The following GRID2 variants were observed in gnomAD, a reference collection of about 807,000 sequenced individuals.
GRID2 encodes glutamate ionotropic receptor delta type subunit 2.
GRID2 carries 33 observed loss-of-function variants against 114.8 expected under a neutral mutation model. The observed-to-expected ratio is 0.29, with a 90% CI of 0.22 to 0.38. The LOEUF (loss-of-function observed/expected upper bound fraction) is 0.38. Ranked by LOEUF, GRID2 falls within the 10% of genes least tolerant of loss-of-function variation. GRID2 has a pLI of 1.00. For synonymous variants in GRID2, 505 were observed against 449.9 expected, an observed-to-expected ratio of 1.12 and a Z score of -1.55; for missense variants, 1,184 against 1,257.7, an observed-to-expected ratio of 0.94 and a Z score of 0.89.
At chr4:92,684,521 G>A (rs966177231) in intron 2 of GRID2, among the ~76,000 whole-genome samples, 21 of 151,840 alleles carry the variant, frequency 1.4e-4, no homozygotes, top group Non-Finnish European at 3.1e-4. Context: ...ATCATGTTAG[G>A]ATTATTTTAA....
intron 14 of GRID2, among the ~76,000 whole-genome samples, chr4:93,767,697 T>TCTTCTTCC (rs1733782960): frequency 6.6e-6 from 1 of 152,106 alleles, no homozygotes; most frequent in Non-Finnish European, 1.5e-5. Flanking sequence ...ATGCACAAAA[T>TCTTCTTCC]CTTCTTCCCT....
At chr4:93,008,316 C>T (rs1721774048) in intron 2 of GRID2, among the ~76,000 whole-genome samples, 7 of 151,994 alleles carry the variant, frequency 4.6e-5, no homozygotes, top group Admixed American at 4.6e-4. Flanking sequence ...AGCAAGAAAA[C>T]CTATACTGTA....
At chr4:92,793,631 G>A (rs1480148761) in intron 2 of GRID2, among the ~76,000 whole-genome samples, 1 of 151,766 alleles carries the variant, frequency 6.6e-6, no homozygotes, top group African/African-American at 2.4e-5. Flanking sequence ...AATATGTTAT[G>A]CATTTAATTT....
chr4:92,629,391 TA>T (rs1324831008), intron 2 of GRID2, among the ~76,000 whole-genome samples: 8 of 152,272 alleles, frequency 5.3e-5, no homozygotes, highest in Admixed American at 5.2e-4. Flanking sequence ...ACCTCCTCAG[TA>T]CATCTGTCAT....
chr4:92,824,892 A>C (rs1741574676), intron 2 of GRID2, among the ~76,000 whole-genome samples: 1 of 152,292 alleles, frequency 6.6e-6, no homozygotes, highest in Non-Finnish European at 1.5e-5. Flanking sequence ...AAAACTATTA[A>C]ACACATTGAT....
chr4:93,301,149 C>T (rs77616345), intron 8 of GRID2, among the ~76,000 whole-genome samples: 26 of 152,120 alleles, frequency 1.7e-4, no homozygotes, highest in African/African-American at 5.8e-4. Flanking sequence ...CCTCAATACA[C>T]AAATTTTCTA....
At chr4:93,630,039 T>C (rs759182127) in intron 14 of GRID2, among the ~76,000 whole-genome samples, 2 of 152,150 alleles carry the variant, frequency 1.3e-5, no homozygotes, top group Non-Finnish European at 2.9e-5. Flanking sequence ...ACATGTATGA[T>C]TGTATGTGAG....
chr4:93,376,533 T>C lies in GRID2; in HGVS notation c.1246-19074T>C, dbSNP rs115114346. 8.0e-3 allele frequency among the ~76,000 whole-genome samples: 1,218 copies of C among 152,148 alleles called. 12 individuals carry two copies. Among genetic ancestry groups the C allele is most frequent in the African/African-American group, 0.028 (1,173 of 41,516 alleles). On this transcript the variant is annotated intron_variant, in intron 8 of 15. Coordinates refer to ENST00000282020, the MANE Select transcript of GRID2 (RefSeq NM_001510.4). ...AACCCATAAATAAAGCAATTCAAGA[T>C]ACACATGAACTCATAAAACATAGGT...
chr4:93,096,640 A>G (rs1411989485), intron 3 of GRID2, among the ~76,000 whole-genome samples: 1 of 152,002 alleles, frequency 6.6e-6, no homozygotes, highest in Non-Finnish European at 1.5e-5. Flanking sequence ...TTTAAATTAC[A>G]AGGAGATGCC....
intron 2 of GRID2, among the ~76,000 whole-genome samples, chr4:92,950,764 C>T (rs1302792089): frequency 6.6e-6 from 1 of 152,102 alleles, no homozygotes; most frequent in African/African-American, 2.4e-5. Context: ...GTTTTATAAG[C>T]TTGATGTCAT....
At chr4:92,604,935 G>A (rs11934648) in intron 2 of GRID2, among the ~76,000 whole-genome samples, 57,143 of 151,784 alleles carry the variant, frequency 0.38, 11,069 homozygotes, top group African/African-American at 0.48. Context: ...TGAATCATGC[G>A]GGCAGTTTCC....
intron 2 of GRID2, among the ~76,000 whole-genome samples, chr4:92,956,642 A>G (rs1578595568): frequency 6.6e-6 from 1 of 152,184 alleles, no homozygotes. Flanking sequence ...TTTTGTCTGA[A>G]CATAAGTTTT....
intron 3 of GRID2, among the ~76,000 whole-genome samples, chr4:93,104,757 G>A (rs919079977): frequency 1.3e-5 from 2 of 152,126 alleles, no homozygotes; most frequent in African/African-American, 4.8e-5. Flanking sequence ...GAATAGTGCC[G>A]TGATAAACAT....
chr4:92,941,562 A>G (rs949912838), intron 2 of GRID2, among the ~76,000 whole-genome samples: 10 of 151,942 alleles, frequency 6.6e-5, no homozygotes, highest in East Asian at 1.9e-4. Context: ...TTGTGTCTCT[A>G]TTTCCTTCAG....
At chr4:93,678,534 C>T (rs1344853250) in intron 14 of GRID2, among the ~76,000 whole-genome samples, 5 of 151,862 alleles carry the variant, frequency 3.3e-5, no homozygotes, top group South Asian at 2.1e-4. Context: ...AGAGAAAGGT[C>T]CGGTTACCCA....
Position 92,956,924 on chromosome 4 carries a change from T to G in GRID2, c.245-128071T>G, listed in dbSNP as rs184408400. 2.6e-5 allele frequency among the ~76,000 whole-genome samples: 4 copies of G among 152,316 alleles called. No homozygotes were observed. In the East Asian group the frequency reaches 7.7e-4, roughly 29 times the overall value. The stretch of plus-strand genomic sequence containing the variant: ...CCCTAATGACATATGATGTGGAGCA[T>G]ATTTTATGTGCTTGTTTGCCATCTG... On this transcript the variant is annotated intron_variant, in intron 2 of 15. Transcript: ENST00000282020.
intron 14 of GRID2, among the ~76,000 whole-genome samples, chr4:93,708,535 T>C (rs1728201749): frequency 1.3e-5 from 2 of 152,034 alleles, no homozygotes; most frequent in Non-Finnish European, 2.9e-5. Flanking sequence ...TTTCGATCTT[T>C]TTATTTGCAG....
intron 2 of GRID2, among the ~76,000 whole-genome samples, chr4:92,984,953 T>C (rs1415235428): frequency 6.6e-6 from 1 of 152,070 alleles, no homozygotes; most frequent in Non-Finnish European, 1.5e-5. Context: ...TATTAACAAG[T>C]CTTATTACTG....
chr4:92,531,891 T>G (rs956166470), intron 1 of GRID2, among the ~76,000 whole-genome samples: 1 of 152,152 alleles, frequency 6.6e-6, no homozygotes, highest in African/African-American at 2.4e-5. Flanking sequence ...ACCAAAAAAC[T>G]AATTCAACTT....
Sources: allele counts gnomAD v4.1 joint callset (sites outside exome capture counted in the v4.1 genomes callset), GRCh38; gene constraint gnomAD v4.1.1; transcripts MANE v1.5; gene names NCBI Gene and HGNC (gene_info 2026-07-23, HGNC 2026-07-21).